Variants in KCNQ5 observed in about 807,000 individuals in gnomAD.
The protein encoded by KCNQ5 is potassium voltage-gated channel subfamily Q member 5.
In KCNQ5, 30 loss-of-function variants were observed where a neutral mutation model predicts 98.2. The ratio of observed to expected loss-of-function variants is 0.31; its 90% CI spans 0.23 to 0.41. The LOEUF (loss-of-function observed/expected upper bound fraction) is 0.41, where lower values mean the gene tolerates loss of function less well. KCNQ5 is among the 10% of genes least tolerant of loss of function. KCNQ5 has a pLI of 1.00. For synonymous variants in KCNQ5, 458 were observed against 449.4 expected (o/e 1.02, Z -0.24); for missense variants, 835 against 1,182.5 (o/e 0.71, Z 4.31).
intron 10 of KCNQ5, among the ~76,000 whole-genome samples, chr6:73,162,411 A>T (rs1359426727): frequency 6.6e-6 from 1 of 152,198 alleles, no homozygotes; most frequent in Non-Finnish European, 1.5e-5. Flanking sequence ...TCCCAAGAGG[A>T]TCCCTCACAG....
intron 1 of KCNQ5, among the ~76,000 whole-genome samples, chr6:72,988,649 C>CTT (rs71540364): frequency 0.24 from 31,083 of 127,842 alleles, 3,919 homozygotes; most frequent in East Asian, 0.38. Context: ...GCATGATTTT[C>CTT]TTTTTTTTTT....
intron 1 of KCNQ5, among the ~76,000 whole-genome samples, chr6:72,793,540 T>C (rs559195257): frequency 6.6e-6 from 1 of 152,350 alleles, no homozygotes; most frequent in African/African-American, 2.4e-5. Flanking sequence ...TTCTTATTTT[T>C]CCCCTTATAT....
At chr6:72,677,401 C>G (rs1767468334) in intron 1 of KCNQ5, among the ~76,000 whole-genome samples, 1 of 152,112 alleles carries the variant, frequency 6.6e-6, no homozygotes, top group Non-Finnish European at 1.5e-5. Flanking sequence ...CTTTTTGCCC[C>G]AGGGATCTTG....
chr6:73,118,750 G>A (rs1316661091), intron 7 of KCNQ5, among the ~76,000 whole-genome samples: 1 of 152,206 alleles, frequency 6.6e-6, no homozygotes, highest in African/African-American at 2.4e-5. Flanking sequence ...TGCCAGGCAT[G>A]GTGGCTCATG....
intron 1 of KCNQ5, among the ~76,000 whole-genome samples, chr6:72,826,260 A>AT (rs1223659236): frequency 6.6e-6 from 1 of 152,168 alleles, no homozygotes; most frequent in African/African-American, 2.4e-5. Context: ...AAGATTAGTC[A>AT]TTAGATCCCA....
intron 2 of KCNQ5, among the ~76,000 whole-genome samples, chr6:73,004,304 A>G (rs1582174855): frequency 6.6e-6 from 1 of 152,386 alleles, no homozygotes; most frequent in East Asian, 1.9e-4. Flanking sequence ...AACAAATTAT[A>G]TAAGAAGAAT....
At chr6:72,848,488 A>T (rs939868789) in intron 1 of KCNQ5, among the ~76,000 whole-genome samples, 15 of 152,198 alleles carry the variant, frequency 9.9e-5, no homozygotes, top group Non-Finnish European at 2.1e-4. Flanking sequence ...AAATATATTT[A>T]GTTAACAAGA....
chr6:72,962,659 T>C (rs1426360990), intron 1 of KCNQ5, among the ~76,000 whole-genome samples: 1 of 151,908 alleles, frequency 6.6e-6, no homozygotes, highest in Non-Finnish European at 1.5e-5. Context: ...CGAACTGAAA[T>C]AAGGAGGAAT....
chr6:73,114,230 C>T (rs1487036736), intron 7 of KCNQ5, among the ~76,000 whole-genome samples: 1 of 152,166 alleles, frequency 6.6e-6, no homozygotes, highest in Non-Finnish European at 1.5e-5. Flanking sequence ...AAGCAAACTT[C>T]ATTTAATCAT....
intron 3 of KCNQ5, among the ~76,000 whole-genome samples, chr6:73,064,077 G>A (rs540499551): frequency 1.3e-5 from 2 of 152,242 alleles, no homozygotes; most frequent in South Asian, 4.1e-4. Context: ...AATGTCCTTT[G>A]CTAAGTGACG....
intron 1 of KCNQ5, among the ~76,000 whole-genome samples, chr6:72,771,665 T>A (rs959535698): frequency 6.6e-6 from 1 of 151,638 alleles, no homozygotes; most frequent in Non-Finnish European, 1.5e-5. Context: ...TGTGTGTGTG[T>A]GTGTGTGTGT....
chr6:72,882,297 T>A (rs1778661802), intron 1 of KCNQ5, among the ~76,000 whole-genome samples: 1 of 152,256 alleles, frequency 6.6e-6, no homozygotes. Flanking sequence ...CTCTGAATTT[T>A]AGTCCTGCTG....
chr6:72,817,743 A>C (rs1271250536), intron 1 of KCNQ5, among the ~76,000 whole-genome samples: 1 of 151,986 alleles, frequency 6.6e-6, no homozygotes. Context: ...AAAGTACCAA[A>C]ATTAGGTGGG....
chr6:72,967,710 T>C (rs1195771339), intron 1 of KCNQ5: 2 of 154,728 alleles, frequency 1.3e-5, no homozygotes, highest in Non-Finnish European at 2.9e-5. Flanking sequence ...TGGATGCAAA[T>C]TTTAGAAATG....
At chr6:72,742,389 T>G (rs1582205750) in intron 1 of KCNQ5, among the ~76,000 whole-genome samples, 1 of 152,180 alleles carries the variant, frequency 6.6e-6, no homozygotes, top group South Asian at 2.1e-4. Flanking sequence ...GTTGCAAAAG[T>G]TCTACTTGAT....
intron 1 of KCNQ5, chr6:72,987,681 C>A: frequency 1.7e-6 from 1 of 601,430 alleles, no homozygotes. Context: ...GTCTCTGCTT[C>A]TCCACCGCCC....
At chr6:73,188,853 C>A (rs1293488348) in intron 11 of KCNQ5, among the ~76,000 whole-genome samples, 1 of 151,894 alleles carries the variant, frequency 6.6e-6, no homozygotes, top group Non-Finnish European at 1.5e-5. Flanking sequence ...TATGGTGGCA[C>A]GTGCCTGTAA....
intron 3 of KCNQ5, among the ~76,000 whole-genome samples, chr6:73,062,561 A>G (rs1158466072): frequency 6.6e-6 from 1 of 152,208 alleles, no homozygotes; most frequent in Non-Finnish European, 1.5e-5. Context: ...CAACACAGTC[A>G]ACATGAGCAA....
chr6:72,949,163 C>T (rs1338010121), intron 1 of KCNQ5, among the ~76,000 whole-genome samples: 1 of 152,188 alleles, frequency 6.6e-6, no homozygotes, highest in African/African-American at 2.4e-5. Context: ...TTGAGTCTGG[C>T]TTGCAACTAA....
Sources: allele counts gnomAD v4.1 joint callset (sites outside exome capture counted in the v4.1 genomes callset), GRCh38; gene constraint gnomAD v4.1.1; transcripts MANE v1.5; gene names NCBI Gene and HGNC (gene_info 2026-07-23, HGNC 2026-07-21).